Variants in TMTC1 observed in about 807,000 individuals in gnomAD.
TMTC1 encodes protein O-mannosyl-transferase TMTC1.
Under a neutral mutation model 104.8 loss-of-function variants are expected in TMTC1, and 73 were observed. That is an observed-to-expected ratio of 0.70 (90% CI 0.58 to 0.85). TMTC1 has a LOEUF of 0.85. Among genes scored for constraint, TMTC1 ranks in the 40% least tolerant of loss-of-function variants. The pLI, the probability that TMTC1 is intolerant of heterozygous loss-of-function variation, is 0.00. For missense variants in TMTC1, 1,035 were observed against 1,096.1 expected (o/e 0.94, Z 0.79); for synonymous variants, 434 against 428.7 (o/e 1.01, Z -0.15).
chr12:29,596,422 T>C (rs898873111), intron 7 of TMTC1, among the ~76,000 whole-genome samples: 2 of 152,250 alleles, frequency 1.3e-5, no homozygotes, highest in African/African-American at 4.8e-5. Flanking sequence ...TCCCACGTCA[T>C]TGTTCCCTAG....
intron 1 of TMTC1, among the ~76,000 whole-genome samples, chr12:29,770,879 A>G (rs1357887070): frequency 1.3e-5 from 2 of 152,186 alleles, no homozygotes; most frequent in Non-Finnish European, 2.9e-5. Flanking sequence ...TGGGTTCACA[A>G]AAAGGGGGTT....
chr12:29,577,289 G>C (rs1210712431), intron 8 of TMTC1, among the ~76,000 whole-genome samples: 2 of 152,092 alleles, frequency 1.3e-5, no homozygotes, highest in Non-Finnish European at 2.9e-5. Flanking sequence ...CTTAAACTTT[G>C]ATGACGGGGT....
At chr12:29,627,396 C>G (rs1938057171) in intron 6 of TMTC1, among the ~76,000 whole-genome samples, 1 of 152,106 alleles carries the variant, frequency 6.6e-6, no homozygotes, top group African/African-American at 2.4e-5. Flanking sequence ...CAAATCACAA[C>G]CACAATAAGT....
At chr12:29,573,048 T>C (rs1230071883) in intron 8 of TMTC1, among the ~76,000 whole-genome samples, 1 of 152,176 alleles carries the variant, frequency 6.6e-6, no homozygotes, top group African/African-American at 2.4e-5. Context: ...CTGGTTAGTG[T>C]GAAAGACTCT....
intron 10 of TMTC1, among the ~76,000 whole-genome samples, chr12:29,545,352 G>C (rs939733689): frequency 6.6e-6 from 1 of 152,154 alleles, no homozygotes; most frequent in Non-Finnish European, 1.5e-5. Flanking sequence ...GTTTTAAAGA[G>C]ATGGAGGCCG....
intron 5 of TMTC1, among the ~76,000 whole-genome samples, chr12:29,744,023 C>T (rs978158625): frequency 2.6e-5 from 4 of 152,222 alleles, no homozygotes; most frequent in South Asian, 2.1e-4. Flanking sequence ...TCATGAGACC[C>T]GAGATCCTCT....
At chr12:29,533,798 G>C (rs189320110) in intron 11 of TMTC1, 1 of 152,286 alleles carries the variant, frequency 6.6e-6, no homozygotes, top group African/African-American at 2.4e-5. Flanking sequence ...AAAAGTCCTA[G>C]AAAATCAGAA....
At chr12:29,662,940 T>C (rs1030467360) in intron 5 of TMTC1, among the ~76,000 whole-genome samples, 2 of 152,192 alleles carry the variant, frequency 1.3e-5, no homozygotes, top group African/African-American at 2.4e-5. Flanking sequence ...GCACTGCATT[T>C]AAATCCCTTT....
chr12:29,501,534 T>C lies in TMTC1; in HGVS notation c.*5312A>G, dbSNP rs1943592866. On this transcript the variant is annotated 3_prime_UTR_variant, in exon 18 of 18. Transcript: ENST00000539277. The stretch of plus-strand genomic sequence containing the variant: ...AACTAGAACTCAGATGTCTTGATTC[T>C]TGGGGTAGTGTACCCCTCCTATGGA... The C allele has an allele frequency of 6.6e-6, 1 of 152,150 alleles. No individual in the cohort carries two copies. Among genetic ancestry groups the C allele is most frequent in the African/African-American group, 2.4e-5 (1 of 41,438 alleles). 9.4% of individuals were successfully genotyped at this position (152,150 alleles called of 1,614,324 possible).
At chr12:29,716,105 A>G (rs1942073884) in intron 5 of TMTC1, among the ~76,000 whole-genome samples, 1 of 151,690 alleles carries the variant, frequency 6.6e-6, no homozygotes, top group Non-Finnish European at 1.5e-5. Flanking sequence ...TGCAGCCTCG[A>G]AATCCTAGGC....
intron 5 of TMTC1, among the ~76,000 whole-genome samples, chr12:29,687,451 T>TA (rs1188555979): frequency 6.6e-6 from 1 of 152,240 alleles, no homozygotes; most frequent in African/African-American, 2.4e-5. Context: ...GAAAGACTGA[T>TA]AAACTCTTCC....
intron 7 of TMTC1, among the ~76,000 whole-genome samples, chr12:29,597,545 A>T (rs538952634): frequency 1.3e-5 from 2 of 150,262 alleles, no homozygotes; most frequent in Non-Finnish European, 3.0e-5. Context: ...TTCCTGCCTC[A>T]CCTTGGGGCA....
At chr12:29,622,635 A>G (rs928839608) in intron 6 of TMTC1, among the ~76,000 whole-genome samples, 2 of 152,252 alleles carry the variant, frequency 1.3e-5, no homozygotes, top group South Asian at 4.1e-4. Flanking sequence ...GCATTCCCAC[A>G]GAGTGATTAC....
At chr12:29,664,216 A>G (rs959415852) in intron 5 of TMTC1, among the ~76,000 whole-genome samples, 1 of 150,304 alleles carries the variant, frequency 6.7e-6, no homozygotes, top group Non-Finnish European at 1.5e-5. Flanking sequence ...ATAAAAAAAT[A>G]AAAAAATAAA....
chr12:29,640,657 C>A (rs1404980456), intron 5 of TMTC1: 1 of 152,218 alleles, frequency 6.6e-6, no homozygotes, highest in African/African-American at 2.4e-5. Flanking sequence ...GCAGGCCGTT[C>A]CTGCCTGGAA....
At chr12:29,527,010 G>A (rs183759703) in intron 11 of TMTC1, among the ~76,000 whole-genome samples, 1 of 152,172 alleles carries the variant, frequency 6.6e-6, no homozygotes, top group Admixed American at 6.6e-5. Flanking sequence ...CTCTCTTTTG[G>A]ATGCTGCAGA....
At chr12:29,631,435 A>AG (rs1938292088) in intron 6 of TMTC1, among the ~76,000 whole-genome samples, 1 of 152,164 alleles carries the variant, frequency 6.6e-6, no homozygotes. Flanking sequence ...GTATAAGGTA[A>AG]GGGTTAAGAT....
chr12:29,754,845 T>C (rs927533618), intron 4 of TMTC1, among the ~76,000 whole-genome samples: 1 of 152,212 alleles, frequency 6.6e-6, no homozygotes, highest in Non-Finnish European at 1.5e-5. Context: ...TGCCACTCAA[T>C]ATCACTGCTC....
In TMTC1 at chr12:29,745,286, G is replaced by A. The variant is rs571870581; in HGVS notation, c.938+6380C>T. 2.3e-4 allele frequency among the ~76,000 whole-genome samples: 35 copies of A among 152,076 alleles called. No homozygotes were observed. The South Asian group carries it at 5.6e-3, about 24-fold the overall frequency. ...GTGCCTGTAGTCCCAGAACACCAAA[G>A]GGCACAGGGTCTTAGCAAAAACGAT... On this transcript the variant is annotated intron_variant, in intron 5 of 17. Coordinates refer to ENST00000539277, the MANE Select transcript of TMTC1 (RefSeq NM_001193451.2).
Sources: allele counts gnomAD v4.1 joint callset (sites outside exome capture counted in the v4.1 genomes callset), GRCh38; gene constraint gnomAD v4.1.1; transcripts MANE v1.5; gene names NCBI Gene and HGNC (gene_info 2026-07-23, HGNC 2026-07-21).